Variants in LETM1 observed in about 807,000 individuals in gnomAD.
LETM1 encodes the protein leucine zipper and EF-hand containing transmembrane protein 1.
In LETM1, 50 loss-of-function variants were observed where a neutral mutation model predicts 74.5. The ratio of observed to expected loss-of-function variants is 0.67; its 90% CI spans 0.53 to 0.85. The LOEUF (loss-of-function observed/expected upper bound fraction) is 0.85, where lower values mean the gene tolerates loss of function less well. LETM1 is among the 40% of genes least tolerant of loss of function. The pLI is 0.00. For missense variants in LETM1, 824 were observed against 967.8 expected, an observed-to-expected ratio of 0.85 and a Z score of 1.97; for synonymous variants, 446 against 407.1, an observed-to-expected ratio of 1.10 and a Z score of -1.15.
intron 3 of LETM1, among the ~76,000 whole-genome samples, chr4:1,837,134 C>T (rs1712485565): frequency 6.6e-6 from 1 of 152,244 alleles, no homozygotes; most frequent in South Asian, 2.1e-4. Context: ...GCCTGAACAA[C>T]TGCTGGAAAA....
intron 10 of LETM1, among the ~76,000 whole-genome samples, chr4:1,819,900 C>G (rs1711714688): frequency 6.6e-6 from 1 of 152,176 alleles, no homozygotes; most frequent in Non-Finnish European, 1.5e-5. Context: ...TGACTTCTCT[C>G]ACTCACTTAT....
Position 1,823,659 on chromosome 4 carries a change from G to C in LETM1, c.1317C>G (p.Thr439=), listed in dbSNP as rs1430861414. 1 of 1,613,812 alleles carries C rather than the reference G, an allele frequency of 6.2e-7. No homozygotes were observed. Among genetic ancestry groups the C allele is most frequent in the Admixed American group, 1.7e-5 (1 of 60,000 alleles). ...PADQLKSTLQ[T]LPEIVAKEAQ... is the part of the protein sequence containing the mutation. ...CAGCACGTACCACAATCTCTGGGAG[G>C]GTCTGCAGTGTGGACTTGAGCTGGT... Residue 439 remains threonine, a synonymous_variant, in exon 8 of 14, where the codon ACC becomes ACG. Coordinates refer to ENST00000302787, the MANE Select transcript of LETM1 (RefSeq NM_012318.3).
At position 1,814,562 on chromosome 4, in the gene LETM1, C is replaced by A. The variant is rs760189237; in HGVS notation, c.2082G>T (p.Leu694=). Residue 694 remains leucine (L), a synonymous_variant, in exon 14 of 14, where the codon CTG becomes CTT. Transcript: ENST00000302787. ...AGATGTGAACATCTTCTTTGTCCAC[C>A]AGCTCAATCACCTACACACGTGGGA... The part of the protein sequence containing the change: ...NIDDLVKVIE[L]VDKEDVHIST... 11 of 1,613,284 alleles carry A rather than the reference C, an allele frequency of 6.8e-6. No individual in the cohort carries two copies. The highest frequency in any genetic ancestry group is 9.3e-6 in the Non-Finnish European group (11 of 1,179,674).
chr4:1,826,634 G>T (rs992935028), intron 6 of LETM1, among the ~76,000 whole-genome samples: 4 of 152,228 alleles, frequency 2.6e-5, no homozygotes, highest in African/African-American at 9.6e-5. Flanking sequence ...GGGTGCTATG[G>T]GTGTGCCGGG....
Position 1,841,360 on chromosome 4 carries a change from C to T in LETM1, c.581G>A (p.Arg194Gln), listed in dbSNP as rs748080364. The change falls in exon 3 of 14, where the codon CGG becomes CAG. Residue 194 changes from arginine to glutamine, a missense_variant. By Grantham distance (43) the Arg-to-Gln change is conservative. This residue lies in a region of LETM1 where 269 missense variants were observed against 348.8 expected (regional missense o/e 0.77). Transcript: ENST00000302787. ...RILNGHSLTR[R>Q]ERRQFLRICA... The stretch of plus-strand genomic sequence containing the variant: ...TGTCCCCATTACCTGCCTGCGCTCC[C>T]GGCGGGTCAGGCTGTGGCCGTTGAG... The T allele has an allele frequency of 6.2e-7, 1 of 1,612,160 alleles. No individual in the cohort carries two copies. The highest frequency in any genetic ancestry group is 8.5e-7 in the Non-Finnish European group (1 of 1,178,434).
intron 2 of LETM1, among the ~76,000 whole-genome samples, chr4:1,843,624 C>T (rs996268133): frequency 1.3e-5 from 2 of 152,184 alleles, no homozygotes; most frequent in Non-Finnish European, 1.5e-5. Flanking sequence ...GAAATAGACA[C>T]GTGGAAGGTG....
At chr4:1,814,833 G>C (rs1266109608) in intron 13 of LETM1, among the ~76,000 whole-genome samples, 1 of 152,202 alleles carries the variant, frequency 6.6e-6, no homozygotes, top group Admixed American at 6.5e-5. Context: ...GGGCTGCCAG[G>C]GTCAAGTTCC....
At position 1,834,487 on chromosome 4, in the gene LETM1, C is replaced by T. The variant is rs898960074; in HGVS notation, c.876+358G>A. 1.9e-6 allele frequency: 2 copies of T among 1,058,306 alleles called. No homozygotes were observed. Among genetic ancestry groups the T allele is most frequent in the Non-Finnish European group, 2.3e-6 (2 of 875,196 alleles). 65.6% of individuals were successfully genotyped at this position (1,058,306 alleles called of 1,614,324 possible). A position where few individuals can be genotyped will look rare whatever the true frequency, so the allele number is the denominator to read the frequency against. On this transcript the variant is annotated intron_variant, in intron 5 of 13. Coordinates refer to ENST00000302787, the MANE Select transcript of LETM1 (RefSeq NM_012318.3). The surrounding 1 kb of genome is among the most constrained non-coding windows in gnomAD (Gnocchi z 5.0). ...CTGGGATCTTCTTGACTGACTCCAGCCAGAGGGCAATGCCCAGCAGAGGAG... is the reference window on the plus strand; with the variant it reads ...CTGGGATCTTCTTGACTGACTCCAGTCAGAGGGCAATGCCCAGCAGAGGAG...
At position 1,814,437 on chromosome 4, in the gene LETM1, T is replaced by C; in HGVS notation, c.2207A>G (p.Glu736Gly). The change falls in exon 14 of 14, where the codon GAG (glutamate) becomes GGG (glycine). Residue 736 changes from glutamate to glycine, a missense_variant. Around this residue, in one of 4 missense-constraint regions of LETM1, gnomAD observed 161 missense variants for 252.7 expected, o/e 0.64. Coordinates refer to ENST00000302787, the MANE Select transcript of LETM1 (RefSeq NM_012318.3). ...AKEKAEKEVA[E>G]VKS ...AGGCCAGTGGTTCTAGCTCTTCACC[T>C]CTGCGACCTCCTTCTCTGCCTTCTC... The C allele has an allele frequency of 6.2e-7, 1 of 1,614,246 alleles. No individual in the cohort carries two copies. The highest frequency in any genetic ancestry group is 1.1e-5 in the South Asian group (1 of 91,088).
At chr4:1,850,555 C>T (rs765572504) in intron 1 of LETM1, among the ~76,000 whole-genome samples, 1 of 149,080 alleles carries the variant, frequency 6.7e-6, no homozygotes, top group Non-Finnish European at 1.5e-5. Context: ...AATCCCAGCA[C>T]AGACGTGAAC....
rs1238807579 is a variant in LETM1, at chr4:1,855,964, G to C, written c.-14C>G. On this transcript the variant is annotated 5_prime_UTR_variant, in exon 1 of 14. Coordinates refer to ENST00000302787, the MANE Select transcript of LETM1 (RefSeq NM_012318.3). The stretch of plus-strand genomic sequence containing the variant: ...GATGGACGCCATGTGCTCGGGCGCG[G>C]CGGCCGCTCCGGCCTCCTGCGCTGC... 5.8e-6 allele frequency: 7 copies of C among 1,210,842 alleles called. No individual in the cohort carries two copies. In the East Asian group the frequency reaches 2.4e-4, roughly 42 times the overall value. The allele number at this position is 1,210,842 out of a possible 1,614,324, so 75.0% of individuals were successfully genotyped here. A position where few individuals can be genotyped will look rare whatever the true frequency, so the allele number is the denominator to read the frequency against.
At chr4:1,841,288 AC>A (rs1297436037) in intron 3 of LETM1, 58 bp downstream of exon 3, 1 of 1,504,304 alleles carries the variant, frequency 6.6e-7, no homozygotes, top group Non-Finnish European at 9.1e-7. Context: ...GCGCCACTGC[AC>A]TCCAGCCTGG....
intron 13 of LETM1, among the ~76,000 whole-genome samples, chr4:1,815,131 C>G (rs1711518887): frequency 6.6e-6 from 1 of 152,248 alleles, no homozygotes; most frequent in African/African-American, 2.4e-5. Flanking sequence ...AGAGCCCTGC[C>G]TTCCCTCCAG....
intron 6 of LETM1, among the ~76,000 whole-genome samples, chr4:1,829,228 C>G (rs1337266499): frequency 2.0e-5 from 3 of 148,052 alleles, no homozygotes; most frequent in Non-Finnish European, 4.5e-5. Context: ...GGCCGACCCC[C>G]CCACCTCCCT....
At position 1,830,474 on chromosome 4, in the gene LETM1, G is replaced by A. The variant is rs78690334; in HGVS notation, c.1080+2270C>T. ...GCCTCCTGAGTAGCTGGAGCTACAG[G>A]CGCAAGTCATCAAGCCCAGCTAATT... On this transcript the variant is annotated intron_variant, in intron 6 of 13. Transcript: ENST00000302787. Among the ~76,000 whole-genome samples, 1,359 of 152,204 alleles carry A rather than the reference G, an allele frequency of 8.9e-3. 21 individuals carry two copies. The highest frequency in any genetic ancestry group is 0.031 in the African/African-American group (1,276 of 41,540).
chr4:1,849,994 A>G (rs1205041891), intron 1 of LETM1, among the ~76,000 whole-genome samples: 1 of 152,184 alleles, frequency 6.6e-6, no homozygotes, highest in African/African-American at 2.4e-5. Flanking sequence ...ATCCCTACTA[A>G]AAATACAAAA....
At chr4:1,822,860 G>A in intron 9 of LETM1, 128 bp downstream of exon 9, 4 of 988,634 alleles carry the variant, frequency 4.0e-6, no homozygotes, top group Non-Finnish European at 5.2e-6. Context: ...CACTCCAGGA[G>A]GAAATAAACA....
At chr4:1,823,575 C>A in intron 8 of LETM1, 69 bp downstream of exon 8, 3 of 1,583,980 alleles carry the variant, frequency 1.9e-6, no homozygotes, top group Non-Finnish European at 2.6e-6. Flanking sequence ...TTGCACACCT[C>A]CCCCCACCCC....
At chr4:1,827,582 T>C (rs1266821533) in intron 6 of LETM1, among the ~76,000 whole-genome samples, 1 of 121,086 alleles carries the variant, frequency 8.3e-6, no homozygotes, top group African/African-American at 3.3e-5. Context: ...ACAGCACATG[T>C]TTCAGAGAGC....
Sources: gnomAD v4.1 joint callset for allele counts (sites outside exome capture counted in the v4.1 genomes callset) on GRCh38, gnomAD v4.1.1 for gene constraint, gnomAD v4.1.1 regional missense constraint, Gnocchi (gnomAD v3.1) non-coding constraint, MANE v1.5 for transcripts, NCBI Gene and HGNC (gene_info 2026-07-23, HGNC 2026-07-21) for gene names.